The following SRGN variants were observed in gnomAD, a reference collection of about 807,000 sequenced individuals.
The protein encoded by SRGN is hematopoetic proteoglycan core peptide.
Under a neutral mutation model 9.5 loss-of-function variants are expected in SRGN, and 2 were observed. The ratio of observed to expected loss-of-function variants is 0.21; its 90% CI spans 0.09 to 0.66. The LOEUF is 0.66. Ranked by LOEUF, SRGN falls within the 30% of genes least tolerant of loss-of-function variation. The pLI is 0.83. For missense variants in SRGN, 170 were observed against 192.4 expected (o/e 0.88, Z 0.69); for synonymous variants, 59 against 72.3 (o/e 0.82, Z 0.93).
chr10:69,090,537 G>T (rs1840030526), intron 1 of SRGN, among the ~76,000 whole-genome samples: 1 of 152,126 alleles, frequency 6.6e-6, no homozygotes, highest in Admixed American at 6.6e-5. Context: ...CTTCTCCCTT[G>T]TCTGCACATG....
At chr10:69,096,876 C>G (rs964517881) in intron 1 of SRGN, among the ~76,000 whole-genome samples, 1 of 152,084 alleles carries the variant, frequency 6.6e-6, no homozygotes, top group African/African-American at 2.4e-5. Context: ...CCCCTGTATT[C>G]CCAGCTACTC....
At chr10:69,093,469 G>A (rs1279987624) in intron 1 of SRGN, among the ~76,000 whole-genome samples, 3 of 152,190 alleles carry the variant, frequency 2.0e-5, no homozygotes, top group East Asian at 1.9e-4. Context: ...AAGGTGTGAA[G>A]ACACCGCCCT....
At chr10:69,100,596 CG>C (rs1397632994) in intron 2 of SRGN, among the ~76,000 whole-genome samples, 3 of 152,102 alleles carry the variant, frequency 2.0e-5, no homozygotes, top group African/African-American at 7.2e-5. Context: ...CCCGTCATTG[CG>C]AAAGAATGGT....
At chr10:69,095,516 G>A (rs1840157091) in intron 1 of SRGN, among the ~76,000 whole-genome samples, 1 of 152,066 alleles carries the variant, frequency 6.6e-6, no homozygotes, top group Non-Finnish European at 1.5e-5. Flanking sequence ...GGAGTGGGGA[G>A]GAGATGAACT....
At position 69,104,187 on chromosome 10, in the gene SRGN, A is replaced by G; in HGVS notation, c.*67A>G. 1 of 1,531,316 alleles carries G rather than the reference A, an allele frequency of 6.5e-7. No homozygotes were observed. Among genetic ancestry groups the G allele is most frequent in the Non-Finnish European group, 8.8e-7 (1 of 1,136,232 alleles). The allele number at this position is 1,531,316 out of a possible 1,614,324, so 94.9% of individuals were successfully genotyped here. ...ATATTTTATGTACCATGGTTATATG[A>G]TTAATCTTGGGACAAAGAATTTTAT... On this transcript the variant is annotated 3_prime_UTR_variant, in exon 3 of 3. Transcript: ENST00000242465.
At chr10:69,087,970 G>A, upstream of SRGN, 1 of 607,012 alleles carries the variant, frequency 1.6e-6, no homozygotes, top group South Asian at 2.0e-5. Context: ...ATTTTACTGT[G>A]TTCCCCCCAC....
At chr10:69,088,707 TTTC>T (rs1314122653) in intron 1 of SRGN, among the ~76,000 whole-genome samples, 1 of 120,222 alleles carries the variant, frequency 8.3e-6, no homozygotes, top group African/African-American at 2.7e-5. Flanking sequence ...CTGTGTGTAT[TTTC>T]TTTTCTTTTT....
At chr10:69,098,777 C>G (rs1228186212) in intron 2 of SRGN, 1 of 151,922 alleles carries the variant, frequency 6.6e-6, no homozygotes, top group African/African-American at 2.4e-5. Flanking sequence ...CTGGGCCATA[C>G]AGCAAGACCC....
intron 1 of SRGN, among the ~76,000 whole-genome samples, chr10:69,092,168 C>T (rs191591880): frequency 6.6e-6 from 1 of 151,978 alleles, no homozygotes; most frequent in African/African-American, 2.4e-5. Context: ...CATAAGTGGA[C>T]CTTTTAGGAA....
intron 1 of SRGN, among the ~76,000 whole-genome samples, chr10:69,096,815 A>AAAAC (rs1159263860): frequency 2.0e-5 from 3 of 151,954 alleles, no homozygotes; most frequent in South Asian, 2.1e-4. Flanking sequence ...ATCTCTCCAA[A>AAAAC]AAACAAACAA....
At chr10:69,102,264 C>T (rs900923382) in intron 2 of SRGN, among the ~76,000 whole-genome samples, 2 of 152,198 alleles carry the variant, frequency 1.3e-5, no homozygotes, top group African/African-American at 4.8e-5. Context: ...GGTTTAACTA[C>T]CAAATCTGTG....
intron 2 of SRGN, 39 bp from the exon 3 acceptor site, chr10:69,103,832 C>T: frequency 6.2e-7 from 1 of 1,603,090 alleles, no homozygotes; most frequent in Non-Finnish European, 8.5e-7. Flanking sequence ...ACATATCAAA[C>T]TCCACTGGTT....
At chr10:69,099,408 T>G (rs921140901) in intron 2 of SRGN, among the ~76,000 whole-genome samples, 3 of 151,694 alleles carry the variant, frequency 2.0e-5, no homozygotes, top group Non-Finnish European at 4.4e-5. Flanking sequence ...TCAAGTGATC[T>G]TCCTGCCTCA....
chr10:69,092,071 G>A (rs1840074944), intron 1 of SRGN, among the ~76,000 whole-genome samples: 1 of 151,892 alleles, frequency 6.6e-6, no homozygotes, highest in Admixed American at 6.6e-5. Flanking sequence ...GACTCAGGGT[G>A]GTGGGGGAGG....
At chr10:69,091,476 C>T (rs906245311) in intron 1 of SRGN, among the ~76,000 whole-genome samples, 10 of 152,156 alleles carry the variant, frequency 6.6e-5, no homozygotes, top group African/African-American at 1.2e-4. Context: ...GAAGTAACTC[C>T]GGCTTAGATA....
intron 1 of SRGN, among the ~76,000 whole-genome samples, chr10:69,089,329 G>T (rs528984186): frequency 5.3e-5 from 8 of 152,268 alleles, no homozygotes; most frequent in African/African-American, 1.9e-4. Context: ...ATTGTCAATT[G>T]TAGGGAACAG....
At chr10:69,097,792 G>A (rs1167460546) in intron 2 of SRGN, among the ~76,000 whole-genome samples, 3 of 152,078 alleles carry the variant, frequency 2.0e-5, no homozygotes, top group Non-Finnish European at 4.4e-5. Flanking sequence ...TCAAACTCCT[G>A]ACCTCAGGTG....
At chr10:69,103,157 T>A (rs973057658) in intron 2 of SRGN, among the ~76,000 whole-genome samples, 5 of 152,006 alleles carry the variant, frequency 3.3e-5, no homozygotes, top group African/African-American at 1.2e-4. Context: ...TCAGGCTGGT[T>A]TCGAACTCCT....
chr10:69,090,071 G>C (rs1416105747), intron 1 of SRGN, among the ~76,000 whole-genome samples: 1 of 152,148 alleles, frequency 6.6e-6, no homozygotes, highest in Non-Finnish European at 1.5e-5. Flanking sequence ...ACAAACTAGG[G>C]TGTTTCCGAA....
Sources: allele counts gnomAD v4.1 joint callset (sites outside exome capture counted in the v4.1 genomes callset), GRCh38; gene constraint gnomAD v4.1.1; transcripts MANE v1.5; gene names NCBI Gene and HGNC (gene_info 2026-07-23, HGNC 2026-07-21).